The following AASDH variants were observed in gnomAD, a reference collection of about 807,000 sequenced individuals.
AASDH encodes aminoadipate-semialdehyde dehydrogenase, also known as beta-alanine-activating enzyme.
In AASDH, 81 loss-of-function variants were observed where a neutral mutation model predicts 102.3. The observed-to-expected ratio is 0.79, with a 90% CI of 0.66 to 0.95. AASDH has a LOEUF of 0.95. Among genes scored for constraint, AASDH ranks in the 40% least tolerant of loss-of-function variants. AASDH has a pLI of 0.00. For synonymous variants in AASDH, 398 were observed against 454.0 expected, an observed-to-expected ratio of 0.88 and a Z score of 1.57; for missense variants, 1,203 against 1,266.2, an observed-to-expected ratio of 0.95 and a Z score of 0.76.
At chr4:56,359,555 C>T (rs529899879) in intron 5 of AASDH, among the ~76,000 whole-genome samples, 3 of 151,510 alleles carry the variant, frequency 2.0e-5, no homozygotes, top group South Asian at 2.1e-4. Context: ...TCACCGTGCC[C>T]GGCCTTATGT....
At chr4:56,343,363 T>C (rs201087813) in intron 13 of AASDH, among the ~76,000 whole-genome samples, 199 bp downstream of exon 13, 7 of 75,662 alleles carry the variant, frequency 9.3e-5, no homozygotes, top group Non-Finnish European at 5.4e-5. Flanking sequence ...AACAAAAAAA[T>C]ACATATATAT....
Position 56,355,278 on chromosome 4 carries a change from T to C in AASDH, c.1007A>G (p.Asn336Ser). ...TVLRSWRGEGNKTQIFNVYGI... is the reference protein window; with the variant it reads ...TVLRSWRGEGSKTQIFNVYGI... ...ATAAACATTAAATATTTGTGTTTTA[T>C]TGCCTTCTCCTCTCCAGCTTCTGAG... Residue 336 changes from asparagine to serine, a missense_variant, in exon 6 of 15, where the codon AAT becomes AGT. Asn to Ser is a conservative substitution (Grantham distance 46, BLOSUM62 1). Coordinates refer to ENST00000205214, the MANE Select transcript of AASDH (RefSeq NM_181806.4). The C allele has an allele frequency of 6.2e-7, 1 of 1,614,136 alleles. No homozygotes were observed. Among genetic ancestry groups the C allele is most frequent in the Non-Finnish European group, 8.5e-7 (1 of 1,180,026 alleles).
At chr4:56,376,174 C>A (rs1188851905) in intron 4 of AASDH, among the ~76,000 whole-genome samples, 1 of 152,098 alleles carries the variant, frequency 6.6e-6, no homozygotes, top group Middle Eastern at 3.4e-3. Context: ...TAGGCACAGA[C>A]CACCAGGCCC....
chr4:56,364,554 A>G (rs371078981), intron 5 of AASDH, among the ~76,000 whole-genome samples: 4 of 152,212 alleles, frequency 2.6e-5, no homozygotes, highest in East Asian at 1.9e-4. Context: ...AGAGAGTGGG[A>G]GCCAATATTC....
intron 1 of AASDH, among the ~76,000 whole-genome samples, chr4:56,387,124 C>G (rs1257539753): frequency 2.0e-5 from 3 of 152,130 alleles, no homozygotes; most frequent in Non-Finnish European, 4.4e-5. Context: ...GGTAGCTGAG[C>G]GCGGAGCACA....
chr4:56,353,009 CTT>C (rs879524516), intron 9 of AASDH, among the ~76,000 whole-genome samples: 5 of 144,732 alleles, frequency 3.5e-5, no homozygotes, highest in Non-Finnish European at 1.5e-5. Flanking sequence ...TACCTAACCT[CTT>C]TTTTTTTTTT....
At chr4:56,345,702 T>C (rs1305194782) in intron 11 of AASDH, among the ~76,000 whole-genome samples, 1 of 152,216 alleles carries the variant, frequency 6.6e-6, no homozygotes, top group Non-Finnish European at 1.5e-5. Flanking sequence ...GTCATCTACT[T>C]CCAGGGTTAT....
rs115354453 is a variant in AASDH, at chr4:56,384,733, C to T, written c.-42-392G>A. Among the ~76,000 whole-genome samples the T allele has an allele frequency of 7.9e-3, 1,199 of 152,264 alleles. 7 individuals are homozygous for T. The highest frequency in any genetic ancestry group is 0.012 in the Non-Finnish European group (845 of 68,016). On this transcript the variant is annotated intron_variant, in intron 1 of 14. Transcript: ENST00000205214. ...TTTTACTTTCCTTCAGTAACTGTTACAGATTTGTTAAGATAGAGTAGTCAA... is the reference window on the plus strand; with the variant it reads ...TTTTACTTTCCTTCAGTAACTGTTATAGATTTGTTAAGATAGAGTAGTCAA...
chr4:56,385,776 G>A (rs1027722213), intron 1 of AASDH, among the ~76,000 whole-genome samples: 3 of 149,164 alleles, frequency 2.0e-5, no homozygotes, highest in Non-Finnish European at 4.4e-5. Flanking sequence ...TTTTGTTTTT[G>A]TTATTTTTTT....
At chr4:56,387,155 G>A (rs1383093831) in intron 1 of AASDH, among the ~76,000 whole-genome samples, 1 of 152,204 alleles carries the variant, frequency 6.6e-6, no homozygotes, top group Non-Finnish European at 1.5e-5. Flanking sequence ...TTTGAATGGA[G>A]GGGCGGAGGC....
At chr4:56,352,575 T>C (rs1749135082) in intron 9 of AASDH, among the ~76,000 whole-genome samples, 1 of 152,192 alleles carries the variant, frequency 6.6e-6, no homozygotes. Context: ...TTTGTATTTT[T>C]AGTAAAGACA....
intron 9 of AASDH, among the ~76,000 whole-genome samples, chr4:56,352,143 T>A (rs1217618635): frequency 6.6e-6 from 1 of 151,950 alleles, no homozygotes; most frequent in Non-Finnish European, 1.5e-5. Flanking sequence ...ATAATAAAAA[T>A]AAAATTAAAA....
Position 56,378,313 on chromosome 4 carries a change from T to C in AASDH, c.503A>G (p.Lys168Arg). ...GKEKYEKEKI[K>R]SISSEHVNEE... ...ATTGACATGCTCAGAACTTATGCTTTTTATTTTTTCTTTTTCATATTTCTC... is the reference window on the plus strand; with the variant it reads ...ATTGACATGCTCAGAACTTATGCTTCTTATTTTTTCTTTTTCATATTTCTC... The change falls in exon 4 of 15, where the codon AAA becomes AGA. Residue 168 changes from lysine to arginine, a missense_variant. Coordinates refer to ENST00000205214, the MANE Select transcript of AASDH (RefSeq NM_181806.4). 1 of 1,614,170 alleles carries C rather than the reference T, an allele frequency of 6.2e-7. No homozygotes were observed. The highest frequency in any genetic ancestry group is 8.5e-7 in the Non-Finnish European group (1 of 1,180,034).
intron 6 of AASDH, 38 bp from the exon 7 acceptor site, chr4:56,354,849 C>T: frequency 6.8e-7 from 1 of 1,468,472 alleles, no homozygotes; most frequent in Non-Finnish European, 9.3e-7. Flanking sequence ...TAAAATTTTT[C>T]ATTTGAATAG....
At chr4:56,368,082 A>G (rs1327085331) in intron 5 of AASDH, among the ~76,000 whole-genome samples, 1 of 152,236 alleles carries the variant, frequency 6.6e-6, no homozygotes, top group Non-Finnish European at 1.5e-5. Context: ...ACTTCTCAAA[A>G]GAAGACATTT....
intron 5 of AASDH, among the ~76,000 whole-genome samples, chr4:56,357,247 G>A (rs1442017979): frequency 6.6e-6 from 1 of 152,148 alleles, no homozygotes; most frequent in African/African-American, 2.4e-5. Context: ...CAAGATCAAG[G>A]TATGGGCAGA....
At chr4:56,362,810 C>T (rs1470464732) in intron 5 of AASDH, among the ~76,000 whole-genome samples, 4 of 152,096 alleles carry the variant, frequency 2.6e-5, no homozygotes, top group Admixed American at 1.3e-4. Context: ...CCAGCGTGAG[C>T]GACGCAGAAG....
rs535871054 is a variant in AASDH, at chr4:56,371,536, A to G, written c.776T>C (p.Leu259Pro). 1 of 1,613,442 alleles carries G rather than the reference A, an allele frequency of 6.2e-7. No homozygotes were observed. Among genetic ancestry groups the G allele is most frequent in the East Asian group, 2.2e-5 (1 of 44,842 alleles). The change falls in exon 5 of 15, where the codon CTG becomes CCG. Residue 259 changes from leucine (L) to proline (P), a missense_variant. By Grantham distance (98) the Leu-to-Pro change is moderately conservative. Coordinates refer to ENST00000205214, the MANE Select transcript of AASDH (RefSeq NM_181806.4). Reference sequence around the variant, plus strand: ...CTTGACGGAAGTTGGTACAATAAGCAGAGAGGCACCACTTGATAGAGCAAG... The same window carrying G: ...CTTGACGGAAGTTGGTACAATAAGCGGAGAGGCACCACTTGATAGAGCAAG... ...IFLALSSGASLLIVPTSVKLL... is the reference protein window; with the variant it reads ...IFLALSSGASPLIVPTSVKLL...
chr4:56,338,915 C>T (rs1450511547), intron 14 of AASDH, 124 bp from the exon 15 acceptor site: 34 of 972,598 alleles, frequency 3.5e-5, no homozygotes, highest in Non-Finnish European at 4.4e-6. Context: ...TAACTATACA[C>T]AGACAAAATG....
Sources: allele counts gnomAD v4.1 joint callset (sites outside exome capture counted in the v4.1 genomes callset), GRCh38; gene constraint gnomAD v4.1.1; transcripts MANE v1.5; gene names NCBI Gene and HGNC (gene_info 2026-07-23, HGNC 2026-07-21).